The following CCDC148 variants were observed in gnomAD, a reference collection of about 807,000 sequenced individuals.
CCDC148 encodes coiled-coil domain-containing protein 148.
CCDC148 carries 89 observed loss-of-function variants against 85.7 expected under a neutral mutation model. The observed-to-expected ratio is 1.04, with a 90% CI of 0.87 to 1.24. The LOEUF (loss-of-function observed/expected upper bound fraction) is 1.24. CCDC148 is among the 50% of genes most tolerant of loss of function. CCDC148 has a pLI of 0.00. For synonymous variants in CCDC148, 230 were observed against 213.9 expected (o/e 1.08, Z -0.66); for missense variants, 692 against 671.7 (o/e 1.03, Z -0.33).
At chr2:158,419,716 G>C (rs1686679491) in intron 1 of CCDC148, among the ~76,000 whole-genome samples, 1 of 152,146 alleles carries the variant, frequency 6.6e-6, no homozygotes, top group Non-Finnish European at 1.5e-5. Context: ...GTAATCAGGA[G>C]TATGTGTGAG....
intron 9 of CCDC148, among the ~76,000 whole-genome samples, chr2:158,268,681 A>T (rs1689576244): frequency 6.6e-6 from 1 of 152,114 alleles, no homozygotes; most frequent in African/African-American, 2.4e-5. Context: ...AGATCCCCTG[A>T]ACTTATTTAT....
At chr2:158,214,649 A>G (rs1686753626) in intron 11 of CCDC148, among the ~76,000 whole-genome samples, 1 of 152,160 alleles carries the variant, frequency 6.6e-6, no homozygotes, top group Admixed American at 6.5e-5. Flanking sequence ...CTGCACACAC[A>G]TCTGTCAGCT....
Position 158,448,493 on chromosome 2 carries a change from G to A in CCDC148, c.25+7922C>T, listed in dbSNP as rs181888066. Among the ~76,000 whole-genome samples, 332 of 152,024 alleles carry A rather than the reference G, an allele frequency of 2.2e-3. 1 individual carries two copies. Among genetic ancestry groups the A allele is most frequent in the Non-Finnish European group, 3.6e-3 (242 of 67,972 alleles). On this transcript the variant is annotated intron_variant, in intron 1 of 13. Transcript: ENST00000283233. ...CCCCTGAGGAGCTGGGACCACAGGT[G>A]TGAGCCACCATGCCTAATTTTTGTA...
chr2:158,338,372 G>A (rs1359754912), intron 7 of CCDC148, among the ~76,000 whole-genome samples: 2 of 152,052 alleles, frequency 1.3e-5, no homozygotes, highest in Non-Finnish European at 2.9e-5. Context: ...ATAATTCCAT[G>A]GGTACATTTT....
intron 2 of CCDC148, among the ~76,000 whole-genome samples, chr2:158,348,003 T>A (rs953654174): frequency 1.1e-4 from 17 of 152,058 alleles, no homozygotes; most frequent in Admixed American, 1.1e-3. Flanking sequence ...AGAAAGCATG[T>A]TCTGTCTAAT....
chr2:158,386,771 G>C (rs952651296), intron 1 of CCDC148, among the ~76,000 whole-genome samples: 2 of 151,996 alleles, frequency 1.3e-5, no homozygotes, highest in African/African-American at 4.8e-5. Flanking sequence ...CTCCTTCAGG[G>C]ATTTTCCCCT....
chr2:158,378,448 A>G (rs1399719589), intron 1 of CCDC148, among the ~76,000 whole-genome samples: 1 of 152,190 alleles, frequency 6.6e-6, no homozygotes, highest in Non-Finnish European at 1.5e-5. Context: ...CTGATTCAGA[A>G]GCTGCAGCAA....
chr2:158,351,981 G>A (rs554063031), intron 2 of CCDC148, among the ~76,000 whole-genome samples: 14 of 142,688 alleles, frequency 9.8e-5, no homozygotes, highest in South Asian at 2.3e-4. Context: ...CACCTCACAC[G>A]GCAGGGTATT....
intron 1 of CCDC148, among the ~76,000 whole-genome samples, chr2:158,438,332 C>G (rs1687765795): frequency 6.6e-6 from 1 of 152,082 alleles, no homozygotes; most frequent in Non-Finnish European, 1.5e-5. Context: ...ATATCTACAA[C>G]CATCTGATCT....
chr2:158,338,859 G>C lies in CCDC148; in HGVS notation c.631C>G (p.Pro211Ala), dbSNP rs771590238. 2.5e-6 allele frequency: 4 copies of C among 1,611,754 alleles called. No individual in the cohort carries two copies. Among genetic ancestry groups the C allele is most frequent in the East Asian group, 2.2e-5 (1 of 44,812 alleles). ...CATTCCAAACTTTCTAATTCAATGG[G>C]CAGTTCACTAAGCGGGTTAGTCTTT... ...EEKTNPLSEL[P>A]IELESLECPY... The change falls in exon 7 of 14, where the codon CCC becomes GCC. Residue 211 changes from proline to alanine, a missense_variant. Transcript: ENST00000283233.
At chr2:158,279,460 T>C (rs1042807906) in intron 9 of CCDC148, among the ~76,000 whole-genome samples, 1 of 152,050 alleles carries the variant, frequency 6.6e-6, no homozygotes, top group Non-Finnish European at 1.5e-5. Context: ...AGCCAAGGCA[T>C]GAGAACTACG....
At chr2:158,433,277 T>A (rs867240874) in intron 1 of CCDC148, among the ~76,000 whole-genome samples, 7 of 120,062 alleles carry the variant, frequency 5.8e-5, no homozygotes, top group Admixed American at 4.9e-4. Context: ...TATATATATA[T>A]AAAACAAAAG....
intron 1 of CCDC148, among the ~76,000 whole-genome samples, chr2:158,454,725 A>C (rs564520929): frequency 1.6e-4 from 25 of 152,386 alleles, no homozygotes; most frequent in African/African-American, 6.0e-4. Context: ...AGACACAGCC[A>C]AGTCTGAATA....
At chr2:158,371,788 C>A (rs1228308828) in intron 1 of CCDC148, among the ~76,000 whole-genome samples, 1 of 151,742 alleles carries the variant, frequency 6.6e-6, no homozygotes, top group Non-Finnish European at 1.5e-5. Context: ...AAGAATTCTG[C>A]CTTTTTTACT....
At chr2:158,210,670 G>A (rs552384264) in intron 11 of CCDC148, among the ~76,000 whole-genome samples, 60 of 151,702 alleles carry the variant, frequency 4.0e-4, no homozygotes, top group African/African-American at 1.4e-3. Flanking sequence ...AAGGCCGGGT[G>A]CGGTGGCTCA....
intron 11 of CCDC148, among the ~76,000 whole-genome samples, chr2:158,184,595 T>C (rs1685068277): frequency 6.6e-6 from 1 of 152,134 alleles, no homozygotes; most frequent in Admixed American, 6.6e-5. Flanking sequence ...CCTTTTCAGA[T>C]TGCTACAGAA....
intron 11 of CCDC148, among the ~76,000 whole-genome samples, chr2:158,190,075 T>C (rs867290044): frequency 2.0e-5 from 3 of 151,984 alleles, no homozygotes; most frequent in Non-Finnish European, 2.9e-5. Flanking sequence ...TCAGTGAGTA[T>C]GTCTTTGTAA....
chr2:158,222,591 CACTGAAATTCTTTTGAGT>C (rs1292410990), intron 10 of CCDC148, among the ~76,000 whole-genome samples: 1 of 152,110 alleles, frequency 6.6e-6, no homozygotes, highest in Non-Finnish European at 1.5e-5. Context: ...TCCTTGTTTT[CACTGAAATTCTTTTGAGT>C]GAAGGATACT....
intron 11 of CCDC148, among the ~76,000 whole-genome samples, chr2:158,202,937 T>A (rs1338329551): frequency 2.0e-5 from 3 of 152,148 alleles, no homozygotes; most frequent in Non-Finnish European, 4.4e-5. Context: ...GGGGCTCTCT[T>A]AGATGGTGTG....
Sources: allele counts gnomAD v4.1 joint callset (sites outside exome capture counted in the v4.1 genomes callset), GRCh38; gene constraint gnomAD v4.1.1; transcripts MANE v1.5; gene names NCBI Gene and HGNC (gene_info 2026-07-23, HGNC 2026-07-21).